Variants in ADGRL3 observed in about 807,000 individuals in gnomAD.
ADGRL3 encodes calcium-independent alpha-latrotoxin receptor 3.
A neutral mutation model predicts 153.5 loss-of-function variants in ADGRL3; 62 were observed. The ratio of observed to expected loss-of-function variants is 0.40; its 90% confidence interval spans 0.33 to 0.50. The LOEUF (loss-of-function observed/expected upper bound fraction) is 0.50, where lower values mean the gene tolerates loss of function less well. Among genes scored for constraint, ADGRL3 ranks in the 20% least tolerant of loss-of-function variants. The pLI is 0.47. For missense variants in ADGRL3, 1,641 were observed against 1,859.4 expected, an observed-to-expected ratio of 0.88 and a Z score of 2.16; for synonymous variants, 710 against 672.5, an observed-to-expected ratio of 1.06 and a Z score of -0.86.
chr4:61,219,361 A>G (rs567065296), intron 1 of ADGRL3, among the ~76,000 whole-genome samples: 14 of 152,210 alleles, frequency 9.2e-5, no homozygotes, highest in Admixed American at 3.9e-4. Flanking sequence ...CCATTCTCTG[A>G]AGACCTGTAA....
intron 1 of ADGRL3, among the ~76,000 whole-genome samples, chr4:61,247,468 T>C (rs1055859781): frequency 8.5e-5 from 13 of 152,114 alleles, no homozygotes; most frequent in Middle Eastern, 3.2e-3. Flanking sequence ...AAAATCATTA[T>C]CTGCATTGGT....
At chr4:61,535,167 C>T (rs546154407) in intron 4 of ADGRL3, among the ~76,000 whole-genome samples, 2 of 152,002 alleles carry the variant, frequency 1.3e-5, no homozygotes, top group Admixed American at 6.5e-5. Flanking sequence ...TGGATACTGT[C>T]TAATGCTGTC....
At chr4:61,723,159 C>T (rs1234314668) in intron 6 of ADGRL3, among the ~76,000 whole-genome samples, 2 of 152,230 alleles carry the variant, frequency 1.3e-5, no homozygotes, top group African/African-American at 2.4e-5. Flanking sequence ...TTTTTAAAGT[C>T]TTTACACAGA....
chr4:61,404,184 C>A (rs752738780), intron 2 of ADGRL3, among the ~76,000 whole-genome samples: 3 of 152,058 alleles, frequency 2.0e-5, no homozygotes, highest in Non-Finnish European at 2.9e-5. Context: ...ATTGCACTAA[C>A]TAATGTGTAA....
rs1241793582 is a variant in ADGRL3, at chr4:61,432,631, TTTCTTTCTTTCTTTCTTTCTTTC to T, written c.-174+49445_-174+49467del. Among the ~76,000 whole-genome samples, 152 of 84,298 alleles carry T rather than the reference TTTCTTTCTTTCTTTCTTTCTTTC, an allele frequency of 1.8e-3. 15 individuals carry two copies. The highest frequency in any genetic ancestry group is 0.014 in the Middle Eastern group (2 of 144). The allele number at this position is 84,298 out of a possible 152,430, so 55.3% of individuals were successfully genotyped here. ...CTTTCTTTCTTTCTTTCTTTCTTTCTTTCTTTCTTTCTTTCTTTCTTTCTTTTTTTTTTTTTTTTGAGACAGAA... is the reference window on the plus strand; with the variant it reads ...CTTTCTTTCTTTCTTTCTTTCTTTCTTTTTTTTTTTTTTTTTGAGACAGAA... On this transcript the variant is annotated intron_variant, in intron 2 of 26. Transcript: ENST00000683033.
rs1280812270 is a variant in ADGRL3 at position 61,974,050 on chromosome 4, C to T, written c.2806-5513C>T. ...TGGCGTGGTCTCGGCTCACTGCAACCTCCACCTCCCGGGCTCAAGCCATCC... is the reference window on the plus strand; with the variant it reads ...TGGCGTGGTCTCGGCTCACTGCAACTTCCACCTCCCGGGCTCAAGCCATCC... On this transcript the variant is annotated intron_variant, in intron 17 of 26. Transcript: ENST00000683033. 2.0e-5 allele frequency among the ~76,000 whole-genome samples: 3 copies of T among 152,118 alleles called. No homozygotes were observed. In the East Asian group the frequency reaches 5.8e-4, roughly 29 times the overall value.
At chr4:61,559,238 C>T (rs1316350153) in intron 4 of ADGRL3, among the ~76,000 whole-genome samples, 1 of 152,088 alleles carries the variant, frequency 6.6e-6, no homozygotes, top group Non-Finnish European at 1.5e-5. Context: ...AAACCATTGA[C>T]ATCTTCTTAC....
At chr4:61,421,099 C>T (rs1449171594) in intron 2 of ADGRL3, among the ~76,000 whole-genome samples, 4 of 152,018 alleles carry the variant, frequency 2.6e-5, no homozygotes, top group Non-Finnish European at 4.4e-5. Flanking sequence ...TCACCTGAGG[C>T]CGAGGTGGGC....
chr4:61,770,760 A>G (rs2097074966), intron 8 of ADGRL3, among the ~76,000 whole-genome samples: 1 of 152,192 alleles, frequency 6.6e-6, no homozygotes, highest in South Asian at 2.1e-4. Flanking sequence ...ATCAAATTAC[A>G]TTATCTTGAA....
intron 13 of ADGRL3, among the ~76,000 whole-genome samples, chr4:61,925,237 A>G (rs1207864402): frequency 6.6e-6 from 1 of 152,100 alleles, no homozygotes; most frequent in Non-Finnish European, 1.5e-5. Flanking sequence ...CCCTCTTTCC[A>G]TCTGTGATAC....
At chr4:61,392,001 A>G (rs1434332256) in intron 2 of ADGRL3, among the ~76,000 whole-genome samples, 1 of 150,202 alleles carries the variant, frequency 6.7e-6, no homozygotes, top group Non-Finnish European at 1.5e-5. Context: ...CTGGGACTGC[A>G]GGCGCCTGCC....
rs1312347672 is a variant in ADGRL3 at position 61,692,691 on chromosome 4, G to A, written c.583+15756G>A. ...ACTCCTGGCTTCAAGTGATCTGCCTGTTGGGTCTCCAAAAGTGCTTGGAGG... is the reference window on the plus strand; with the variant it reads ...ACTCCTGGCTTCAAGTGATCTGCCTATTGGGTCTCCAAAAGTGCTTGGAGG... On this transcript the variant is annotated intron_variant, in intron 6 of 26. Coordinates refer to ENST00000683033, the MANE Select transcript of ADGRL3 (RefSeq NM_001387552.1). Among the ~76,000 whole-genome samples, 2 of 152,180 alleles carry A rather than the reference G, an allele frequency of 1.3e-5. 1 individual carries two copies. Among genetic ancestry groups the A allele is most frequent in the South Asian group, 4.1e-4 (2 of 4,824 alleles).
chr4:61,737,467 T>G (rs1262387563), intron 8 of ADGRL3, among the ~76,000 whole-genome samples: 2 of 152,176 alleles, frequency 1.3e-5, no homozygotes, highest in African/African-American at 4.8e-5. Context: ...GAACATGAGC[T>G]TGGGAGTCAG....
chr4:61,298,945 A>G (rs977140614), intron 1 of ADGRL3, among the ~76,000 whole-genome samples: 13 of 152,206 alleles, frequency 8.5e-5, no homozygotes, highest in Non-Finnish European at 1.6e-4. Flanking sequence ...ACAGCAATAA[A>G]AAATTGTACC....
Position 61,813,889 on chromosome 4 carries a change from G to T in ADGRL3, c.1480G>T (p.Asp494Tyr). ...TGAGCTAGAAAGACCCTCTGTTAAA[G>T]GTGAGTTTTTCTTTATATGAAGAAA... ...DSELERPSVKDISTTGPLGMG... is the reference protein window; with the variant it reads ...DSELERPSVKYISTTGPLGMG... The change falls in exon 9 of 27, where the codon GAT (aspartate) becomes TAT (tyrosine). Residue 494 changes from aspartate to tyrosine, a missense_variant and splice_region_variant. Asp to Tyr is a radical substitution (Grantham distance 160). Coordinates refer to ENST00000683033, the MANE Select transcript of ADGRL3 (RefSeq NM_001387552.1). The T allele has an allele frequency of 6.2e-7, 1 of 1,605,996 alleles. No homozygotes were observed. Among genetic ancestry groups the T allele is most frequent in the Non-Finnish European group, 8.5e-7 (1 of 1,172,876 alleles).
chr4:61,657,871 A>G (rs555350285), intron 5 of ADGRL3, among the ~76,000 whole-genome samples: 3 of 152,310 alleles, frequency 2.0e-5, no homozygotes, highest in Non-Finnish European at 2.9e-5. Flanking sequence ...AGGGACTGCA[A>G]TAAACATTGG....
At position 61,475,083 on chromosome 4, in the gene ADGRL3, A is replaced by G. The variant is rs1375762018; in HGVS notation, c.-173-22038A>G. Among the ~76,000 whole-genome samples the G allele has an allele frequency of 2.6e-5, 4 of 152,130 alleles. No individual in the cohort carries two copies. In the East Asian group the frequency reaches 7.7e-4, roughly 29 times the overall value. ...AGAACGGGGAGGAAAAATGTGAAAT[A>G]TATGTTTTCCGTACTCTAATTCAAC... On this transcript the variant is annotated intron_variant, in intron 2 of 26. Coordinates refer to ENST00000683033, the MANE Select transcript of ADGRL3 (RefSeq NM_001387552.1).
intron 6 of ADGRL3, among the ~76,000 whole-genome samples, chr4:61,691,772 T>C (rs1341328913): frequency 6.6e-6 from 1 of 152,208 alleles, no homozygotes; most frequent in Non-Finnish European, 1.5e-5. Context: ...ATATTCTACC[T>C]GGATGTGTTT....
chr4:61,794,956 C>A (rs1180211424), intron 8 of ADGRL3, among the ~76,000 whole-genome samples: 2 of 152,288 alleles, frequency 1.3e-5, no homozygotes, highest in African/African-American at 2.4e-5. Context: ...TATCGCATAA[C>A]CTCTTTTCAT....
Sources: allele counts gnomAD v4.1 joint callset (sites outside exome capture counted in the v4.1 genomes callset), GRCh38; gene constraint gnomAD v4.1.1; transcripts MANE v1.5; gene names NCBI Gene and HGNC (gene_info 2026-07-23, HGNC 2026-07-21).